The following METAP1 variants were observed in gnomAD, a reference collection of about 807,000 sequenced individuals.
METAP1 encodes the protein methionyl aminopeptidase 1, also known as methionine aminopeptidase 1.
A neutral mutation model predicts 53.8 loss-of-function variants in METAP1; 28 were observed. That is an observed-to-expected ratio of 0.52 (90% CI 0.39 to 0.71). The LOEUF (loss-of-function observed/expected upper bound fraction) is 0.71. Ranked by LOEUF, METAP1 falls within the 30% of genes least tolerant of loss-of-function variation. METAP1 has a pLI of 0.00. For synonymous variants in METAP1, 181 were observed against 165.7 expected (o/e 1.09, Z -0.71); for missense variants, 389 against 479.8 (o/e 0.81, Z 1.77).
intron 1 of METAP1, among the ~76,000 whole-genome samples, chr4:99,007,271 A>T (rs1317182985): frequency 6.6e-6 from 1 of 152,120 alleles, no homozygotes; most frequent in African/African-American, 2.4e-5. Context: ...AACGCTGTTG[A>T]CAAGACTCAT....
chr4:99,008,709 A>G (rs538717570), intron 1 of METAP1, among the ~76,000 whole-genome samples: 3 of 152,156 alleles, frequency 2.0e-5, no homozygotes, highest in Admixed American at 2.0e-4. Flanking sequence ...AATAGTACCT[A>G]TGTCTTGGTA....
chr4:98,995,809 A>C lies in METAP1; in HGVS notation c.56A>C (p.Lys19Thr). 6.5e-7 allele frequency: 1 copy of C among 1,546,216 alleles called. No individual in the cohort carries two copies. Among genetic ancestry groups the C allele is most frequent in the Non-Finnish European group, 8.7e-7 (1 of 1,144,448 alleles). ...CETDGCSSEA[K>T]LQCPTCIKLG... ...ACAGACGGCTGCAGCAGTGAGGCCA[A>C]GCTCCAGTGTCCCACTTGCATCAAG... Residue 19 changes from lysine (K) to threonine (T), a missense_variant, in exon 1 of 11, where the codon AAG (lysine) becomes ACG (threonine). Physicochemically the swap from Lys to Thr is moderately conservative, Grantham distance 78. Coordinates refer to ENST00000296411, the MANE Select transcript of METAP1 (RefSeq NM_015143.3).
chr4:99,025,577 C>A, intron 1 of METAP1: 3 of 686,582 alleles, frequency 4.4e-6, no homozygotes, highest in Non-Finnish European at 5.4e-6. Flanking sequence ...GAGCTGAGAA[C>A]CACACTATCC....
At chr4:99,015,735 C>T (rs1011671027) in intron 1 of METAP1, among the ~76,000 whole-genome samples, 10 of 152,120 alleles carry the variant, frequency 6.6e-5, no homozygotes, top group African/African-American at 2.2e-4. Context: ...GGCTAGTTGC[C>T]TTTGGTTATG....
At position 99,057,820 on chromosome 4, in the gene METAP1, T is replaced by C; in HGVS notation, c.997+2T>C. ...CAATTGAGCCAATGATTTGTGAAGG[T>C]GAGAAAAAAGGATGCCATGATATTT... is the stretch of plus-strand genomic sequence containing the variant. On this transcript the variant is annotated splice_donor_variant, in intron 10 of 10. Transcript: ENST00000296411. LOFTEE classifies it high-confidence loss of function. The C allele has an allele frequency of 6.3e-7, 1 of 1,588,776 alleles. No homozygotes were observed. Among genetic ancestry groups the C allele is most frequent in the Non-Finnish European group, 8.6e-7 (1 of 1,166,360 alleles).
intron 1 of METAP1, among the ~76,000 whole-genome samples, chr4:99,019,866 T>C (rs2110302664): frequency 6.6e-6 from 1 of 152,306 alleles, no homozygotes; most frequent in African/African-American, 2.4e-5. Flanking sequence ...CAGCATACCT[T>C]CTTATCTGCT....
At chr4:99,045,417 G>C (rs11721765) in intron 8 of METAP1, 107 bp downstream of exon 8, 690,984 of 1,271,938 alleles carry the variant, frequency 0.54, 194,144 homozygotes, top group South Asian at 0.68. Context: ...GGTTGCCCCT[G>C]TTCTACCTGA....
intron 2 of METAP1, among the ~76,000 whole-genome samples, chr4:99,033,576 A>G (rs771768750): frequency 7.9e-5 from 12 of 152,136 alleles, no homozygotes; most frequent in Non-Finnish European, 1.3e-4. Flanking sequence ...GTGTGTATGG[A>G]TATGATTCTT....
chr4:98,996,216 C>G (rs1355400307), intron 1 of METAP1, among the ~76,000 whole-genome samples: 2 of 152,170 alleles, frequency 1.3e-5, no homozygotes, highest in Non-Finnish European at 2.9e-5. Flanking sequence ...TGCGGGCTGC[C>G]GGAGGCAGGT....
chr4:99,043,162 GTT>G, intron 6 of METAP1, 85 bp from the exon 7 acceptor site: 1 of 1,020,840 alleles, frequency 9.8e-7, no homozygotes, highest in Non-Finnish European at 1.4e-6. Context: ...GTGTCCAACT[GTT>G]TTCACATTTT....
At chr4:98,998,118 C>T (rs1722725796) in intron 1 of METAP1, among the ~76,000 whole-genome samples, 1 of 152,254 alleles carries the variant, frequency 6.6e-6, no homozygotes, top group Non-Finnish European at 1.5e-5. Flanking sequence ...ACATTCTTTC[C>T]TTTCCGAAGT....
chr4:99,049,974 C>T (rs557811588), intron 9 of METAP1, among the ~76,000 whole-genome samples: 1 of 152,294 alleles, frequency 6.6e-6, no homozygotes, highest in East Asian at 1.9e-4. Flanking sequence ...AGGTAATTGG[C>T]TTGCTCAAGG....
rs1437138821 is a variant in METAP1, at chr4:99,057,836, CATG to C, written c.997+21_997+23del. 3.8e-6 allele frequency: 6 copies of C among 1,570,088 alleles called. No homozygotes were observed. The highest frequency in any genetic ancestry group is 3.5e-5 in the South Asian group (3 of 85,474). ...TTGTGAAGGTGAGAAAAAAGGATGCCATGATATTTTTCAATTGAATTTATATGT... is the reference window on the plus strand; with the variant it reads ...TTGTGAAGGTGAGAAAAAAGGATGCCATATTTTTCAATTGAATTTATATGT... On this transcript the variant is annotated intron_variant, in intron 10 of 10. Coordinates refer to ENST00000296411, the MANE Select transcript of METAP1 (RefSeq NM_015143.3).
chr4:99,039,284 A>G (rs1267139709), intron 4 of METAP1, 90 bp from the exon 5 acceptor site: 6 of 713,802 alleles, frequency 8.4e-6, no homozygotes, highest in Non-Finnish European at 1.4e-5. Context: ...CAGTGAGACT[A>G]CTGTTTTTAT....
At chr4:99,032,763 T>TG (rs756960819) in intron 2 of METAP1, among the ~76,000 whole-genome samples, 5 of 152,206 alleles carry the variant, frequency 3.3e-5, no homozygotes, top group Non-Finnish European at 5.9e-5. Context: ...CAGGCTCAGT[T>TG]GGCCCCCATT....
chr4:98,997,783 G>A (rs1015746024), intron 1 of METAP1, among the ~76,000 whole-genome samples: 2 of 152,092 alleles, frequency 1.3e-5, no homozygotes, highest in Non-Finnish European at 2.9e-5. Context: ...GTATATTTCT[G>A]GTATCACTGT....
At chr4:99,045,399 A>T in intron 8 of METAP1, 89 bp downstream of exon 8, 1 of 1,445,168 alleles carries the variant, frequency 6.9e-7, no homozygotes, top group Non-Finnish European at 9.2e-7. Context: ...CATTCCTTGT[A>T]CCTTCCAGGT....
At chr4:99,004,518 AAC>A (rs1025935284) in intron 1 of METAP1, among the ~76,000 whole-genome samples, 4 of 145,276 alleles carry the variant, frequency 2.8e-5, no homozygotes, top group South Asian at 2.2e-4. Flanking sequence ...CACACAAAAT[AAC>A]ACAGCAAATC....
chr4:99,042,519 A>G (rs992977807), intron 6 of METAP1, among the ~76,000 whole-genome samples: 1 of 152,052 alleles, frequency 6.6e-6, no homozygotes, highest in Non-Finnish European at 1.5e-5. Flanking sequence ...TTTTTCTGTT[A>G]GGAGTTCTTT....
Sources: allele counts gnomAD v4.1 joint callset (sites outside exome capture counted in the v4.1 genomes callset), GRCh38; gene constraint gnomAD v4.1.1; transcripts MANE v1.5; gene names NCBI Gene and HGNC (gene_info 2026-07-23, HGNC 2026-07-21).